Variants in CCDC57 observed in about 807,000 individuals in gnomAD.
CCDC57 encodes coiled-coil domain containing 57, also known as coiled-coil domain-containing protein 57.
A neutral mutation model predicts 118.9 loss-of-function variants in CCDC57; 118 were observed. That is an observed-to-expected ratio of 0.99 (90% CI 0.86 to 1.16). The LOEUF (loss-of-function observed/expected upper bound fraction) is 1.16. CCDC57 is among the 50% of genes most tolerant of loss of function. CCDC57 has a pLI of 0.00. For synonymous variants in CCDC57, 527 were observed against 532.9 expected (o/e 0.99, Z 0.15); for missense variants, 1,300 against 1,320.7 (o/e 0.98, Z 0.24).
At chr17:82,111,387 T>C (rs2035232364) in intron 19 of CCDC57, among the ~76,000 whole-genome samples, 1 of 146,732 alleles carries the variant, frequency 6.8e-6, no homozygotes, top group Non-Finnish European at 1.5e-5. Context: ...CTTTTTTTTT[T>C]TTTTTTTTTG....
chr17:82,146,921 A>G (rs2040830997), intron 16 of CCDC57, among the ~76,000 whole-genome samples: 1 of 152,176 alleles, frequency 6.6e-6, no homozygotes, highest in African/African-American at 2.4e-5. Flanking sequence ...ATACAAATGC[A>G]CGTGCACACA....
chr17:82,172,882 G>A lies in CCDC57; in HGVS notation c.1507-22C>T. ...GCATCTGTCAAATACAAGGAAAAAT[G>A]GCTACAAAAAGATGAATGGTTCCCC... On this transcript the variant is annotated intron_variant, in intron 11 of 19. Transcript: ENST00000665763. This position sits in a 1 kb window ranked among gnomAD's most constrained non-coding sequence, Gnocchi z 5.2. 1 of 1,592,138 alleles carries A rather than the reference G, an allele frequency of 6.3e-7. No homozygotes were observed. Among genetic ancestry groups the A allele is most frequent in the South Asian group, 1.1e-5 (1 of 88,366 alleles).
intron 19 of CCDC57, among the ~76,000 whole-genome samples, chr17:82,115,786 T>C (rs1316896367): frequency 7.0e-6 from 1 of 142,038 alleles, no homozygotes; most frequent in South Asian, 2.2e-4. Flanking sequence ...AAAAAATTTA[T>C]GCAACCTTTT....
intron 16 of CCDC57, among the ~76,000 whole-genome samples, chr17:82,137,129 C>T (rs371926646): frequency 1.3e-5 from 2 of 151,564 alleles, no homozygotes; most frequent in East Asian, 1.9e-4. Flanking sequence ...GCAATTCTCC[C>T]GCCTCAGCCT....
intron 16 of CCDC57, among the ~76,000 whole-genome samples, chr17:82,141,568 A>G (rs2040014639): frequency 6.6e-6 from 1 of 152,232 alleles, no homozygotes; most frequent in Non-Finnish European, 1.5e-5. Context: ...TTAAGAATGC[A>G]GAGATGGTGA....
At position 82,198,977 on chromosome 17, in the gene CCDC57, A is replaced by G. The variant is rs376370059; in HGVS notation, c.408-555T>C. The stretch of plus-strand genomic sequence containing the variant: ...CACTGCACTCCAGCCTGGGCGACAG[A>G]GCGAGACTCCATCTCAAAAAAAAAA... On this transcript the variant is annotated intron_variant, in intron 3 of 19. Coordinates refer to ENST00000665763, the Ensembl canonical transcript of CCDC57. Among the ~76,000 whole-genome samples, 561 of 143,544 alleles carry G rather than the reference A, an allele frequency of 3.9e-3. 2 individuals are homozygous for G. Among genetic ancestry groups the G allele is most frequent in the Middle Eastern group, 7.3e-3 (2 of 274 alleles). The allele number at this position is 143,544 out of a possible 152,430, so 94.2% of individuals were successfully genotyped here.
intron 19 of CCDC57, among the ~76,000 whole-genome samples, chr17:82,105,307 C>T (rs1177371992): frequency 6.6e-6 from 1 of 152,190 alleles, no homozygotes; most frequent in African/African-American, 2.4e-5. Flanking sequence ...CCTTGTTCTG[C>T]TGAACCCCCT....
chr17:82,201,528 G>T lies in CCDC57; in HGVS notation c.407+10C>A, dbSNP rs114352996. ...CACTGCACAGGAGGGCGCGTCGGTC[G>T]GTGGCTCACCTGTGGACGCGCTCCA... On this transcript the variant is annotated intron_variant, in intron 3 of 19. Transcript: ENST00000665763. 1 of 1,588,178 alleles carries T rather than the reference G, an allele frequency of 6.3e-7. No homozygotes were observed. The highest frequency in any genetic ancestry group is 2.3e-5 in the East Asian group (1 of 43,888).
intron 19 of CCDC57, among the ~76,000 whole-genome samples, chr17:82,120,410 CA>C (rs1421836005): frequency 1.3e-5 from 2 of 152,202 alleles, no homozygotes; most frequent in Non-Finnish European, 2.9e-5. Flanking sequence ...ATGGAGCTTT[CA>C]GACTGCTTGT....
At chr17:82,177,485 T>C (rs952109950) in intron 11 of CCDC57, among the ~76,000 whole-genome samples, 2 of 151,926 alleles carry the variant, frequency 1.3e-5, no homozygotes, top group Non-Finnish European at 2.9e-5. Context: ...TAGGAGGAGA[T>C]TGCAGTGAGC....
Position 82,212,815 on chromosome 17 carries a change from C to T in CCDC57, c.-241G>A, listed in dbSNP as rs2050265792. On this transcript the variant is annotated 5_prime_UTR_variant, in exon 1 of 20. Coordinates refer to ENST00000665763, the Ensembl canonical transcript of CCDC57. This position sits in a 1 kb window ranked among gnomAD's most constrained non-coding sequence, Gnocchi z 4.1. ...CGCCCGCCAGCAGCGCTGGCCAGGT[C>T]CCGCCGCGTTGCCACAGCGACCGGG... 6.6e-6 allele frequency: 1 copy of T among 151,952 alleles called. No homozygotes were observed. The highest frequency in any genetic ancestry group is 1.5e-5 in the Non-Finnish European group (1 of 68,022). 9.4% of individuals were successfully genotyped at this position (151,952 alleles called of 1,614,324 possible). A position where few individuals can be genotyped will look rare whatever the true frequency, so the allele number is the denominator to read the frequency against.
intron 3 of CCDC57, among the ~76,000 whole-genome samples, chr17:82,199,721 C>T (rs1040265191): frequency 1.3e-5 from 2 of 152,164 alleles, no homozygotes; most frequent in African/African-American, 4.8e-5. Context: ...GGCGCCCAGA[C>T]GAGGTGCAGG....
chr17:82,190,426 G>A (rs1438368028), intron 7 of CCDC57, among the ~76,000 whole-genome samples: 1 of 152,062 alleles, frequency 6.6e-6, no homozygotes, highest in African/African-American at 2.4e-5. Context: ...TCTGGGTGTG[G>A]TGCTCACCCC....
At chr17:82,127,881 A>C in exon 19 of CCDC57, 1 of 1,612,054 alleles carries the variant, frequency 6.2e-7, no homozygotes, top group Non-Finnish European at 8.5e-7. Flanking sequence ...GGTGATTTAC[A>C]GGTCACCGTG....
chr17:82,197,134 A>G (rs919356574), intron 4 of CCDC57, among the ~76,000 whole-genome samples: 3 of 149,846 alleles, frequency 2.0e-5, no homozygotes, highest in Non-Finnish European at 4.4e-5. Context: ...CTGCACCTGC[A>G]GAGACACAGC....
chr17:82,202,149 G>A (rs1295330206), intron 2 of CCDC57, among the ~76,000 whole-genome samples, 197 bp from the exon 2 acceptor site: 2 of 152,036 alleles, frequency 1.3e-5, no homozygotes, highest in Non-Finnish European at 2.9e-5. Context: ...TGGCCAACAT[G>A]GCAAAAACCT....
At chr17:82,208,632 C>G (rs145131876) in intron 1 of CCDC57, among the ~76,000 whole-genome samples, 1 of 152,066 alleles carries the variant, frequency 6.6e-6, no homozygotes, top group African/African-American at 2.4e-5. Context: ...GTACTCAGGA[C>G]AGAGGACTCA....
At chr17:82,191,020 A>C (rs1184271641) in intron 7 of CCDC57, among the ~76,000 whole-genome samples, 1 of 152,072 alleles carries the variant, frequency 6.6e-6, no homozygotes, top group Non-Finnish European at 1.5e-5. Context: ...CCTGATGAAG[A>C]AAGCTGTGTC....
At chr17:82,156,655 A>G (rs2042717536) in intron 15 of CCDC57, 1 of 152,238 alleles carries the variant, frequency 6.6e-6, no homozygotes, top group African/African-American at 2.4e-5. Flanking sequence ...GCAGCTCAAT[A>G]TCTTACCGAC....
Sources: allele counts gnomAD v4.1 joint callset (sites outside exome capture counted in the v4.1 genomes callset), GRCh38; gene constraint gnomAD v4.1.1; non-coding constraint Gnocchi (gnomAD v3.1); transcripts MANE v1.5; gene names NCBI Gene and HGNC (gene_info 2026-07-23, HGNC 2026-07-21).